The following NOTCH1 variants were observed in gnomAD, a reference collection of about 807,000 sequenced individuals.
NOTCH1 encodes the protein notch receptor 1, also known as neurogenic locus notch homolog protein 1.
A neutral mutation model predicts 254.8 loss-of-function variants in NOTCH1; 37 were observed. That is an observed-to-expected ratio of 0.15 (90% CI 0.11 to 0.19). NOTCH1 has a LOEUF of 0.19. Among genes scored for constraint, NOTCH1 ranks in the 10% least tolerant of loss-of-function variants. NOTCH1 has a pLI of 1.00. For missense variants in NOTCH1, 2,972 were observed against 3,708.6 expected (o/e 0.80, Z 5.16); for synonymous variants, 1,731 against 1,618.1 (o/e 1.07, Z -1.68).
intron 2 of NOTCH1, among the ~76,000 whole-genome samples, chr9:136,526,304 C>T (rs945408632): frequency 1.3e-5 from 2 of 152,220 alleles, no homozygotes; most frequent in African/African-American, 2.4e-5. Context: ...CATTGTCAGG[C>T]GGGAGTTGGC....
chr9:136,507,880 C>T, intron 21 of NOTCH1, 75 bp downstream of exon 21: 1 of 1,504,942 alleles, frequency 6.6e-7, no homozygotes, highest in Non-Finnish European at 9.2e-7. Context: ...CTCCACTGGG[C>T]CAGCTCCCAG....
chr9:136,506,804 G>A lies in NOTCH1; in HGVS notation c.3813C>T (p.Cys1271=), dbSNP rs1471864651. 6 of 1,611,942 alleles carry A rather than the reference G, an allele frequency of 3.7e-6. No homozygotes were observed. In the Middle Eastern group the frequency reaches 4.9e-4, roughly 133 times the overall value. The change falls in exon 23 of 34, where the codon TGC becomes TGT. Residue 1271 remains cysteine (C), a synonymous_variant. Transcript: ENST00000651671. This position sits in a 1 kb window ranked among gnomAD's most constrained non-coding sequence, Gnocchi z 4.5. The stretch of plus-strand genomic sequence containing the variant: ...CACGGGCGTCGCAGGGATTGGACAG[G>A]CACTCGTTGACATCCCCCTCACAGC... ...GERCEGDVNE[C]LSNPCDARGT...
chr9:136,521,570 G>A lies in NOTCH1; in HGVS notation c.742+1280C>T, dbSNP rs529266276. Among the ~76,000 whole-genome samples, 19 of 152,304 alleles carry A rather than the reference G, an allele frequency of 1.2e-4. No individual in the cohort carries two copies. In the South Asian group the frequency reaches 3.5e-3, roughly 28 times the overall value. On this transcript the variant is annotated intron_variant, in intron 4 of 33. Transcript: ENST00000651671. ...TGAACCACGGCCCCCCAAGAGCTTG[G>A]CCCCTCAATCCGTGTGACTGGAGGT...
In NOTCH1 at chr9:136,515,522, C is replaced by T. The variant is rs367873715; in HGVS notation, c.1864G>A (p.Asp622Asn). ...AGGCAGAAGCAGAGGTAGGCGTTGT[C>T]GCGGTCCTGGCAGGTGCCCCCGTGG... ...CRHGGTCQDR[D>N]NAYLCFCLKG... Residue 622 changes from aspartate to asparagine, a missense_variant, in exon 11 of 34, where the codon GAC becomes AAC. By Grantham distance (23) the Asp-to-Asn change is conservative. This residue lies in a region of NOTCH1 where 1,343 missense variants were observed against 1,557.0 expected (regional missense o/e 0.86). Coordinates refer to ENST00000651671, the MANE Select transcript of NOTCH1 (RefSeq NM_017617.5). 2.2e-5 allele frequency: 35 copies of T among 1,611,928 alleles called. No individual in the cohort carries two copies. In the South Asian group the frequency reaches 2.2e-4, roughly 10 times the overall value.
rs558146111 is a variant in NOTCH1 at position 136,545,074 on chromosome 9, C to T, written c.61+652G>A. On this transcript the variant is annotated intron_variant, in intron 1 of 33. Coordinates refer to ENST00000651671, the MANE Select transcript of NOTCH1 (RefSeq NM_017617.5). This position sits in a 1 kb window ranked among gnomAD's most constrained non-coding sequence, Gnocchi z 6.8. Reference sequence around the variant, plus strand: ...CCCCACCCGCGTCCCGCTCTCCGCCCCCAAGCTTTCCAAACTTCAACTCCG... The same window carrying T: ...CCCCACCCGCGTCCCGCTCTCCGCCTCCAAGCTTTCCAAACTTCAACTCCG... Among the ~76,000 whole-genome samples, 58 of 152,170 alleles carry T rather than the reference C, an allele frequency of 3.8e-4. No homozygotes were observed. The highest frequency in any genetic ancestry group is 7.2e-4 in the Non-Finnish European group (49 of 68,016).
intron 27 of NOTCH1, 100 bp downstream of exon 27, chr9:136,503,082 C>T (rs753241907): frequency 1.3e-6 from 2 of 1,546,382 alleles, no homozygotes; most frequent in African/African-American, 1.4e-5. Flanking sequence ...ACGCTCACAC[C>T]CGTGGGTAGC....
At chr9:136,508,743 CT>C in intron 19 of NOTCH1, 126 bp downstream of exon 19, 1 of 925,772 alleles carries the variant, frequency 1.1e-6, no homozygotes, top group Admixed American at 2.7e-5. Flanking sequence ...CAGAAACCCT[CT>C]GCCCGGGGGT....
chr9:136,504,558 C>A, intron 26 of NOTCH1, 115 bp downstream of exon 26: 12 of 1,160,010 alleles, frequency 1.0e-5, no homozygotes, highest in Non-Finnish European at 1.4e-5. Context: ...TCTCTTTTAC[C>A]ATAAAGTGGG....
In NOTCH1 at chr9:136,511,199, G is replaced by C. The variant is rs751138076; in HGVS notation, c.2540C>G (p.Ser847Cys). 6.2e-7 allele frequency: 1 copy of C among 1,612,800 alleles called. No individual in the cohort carries two copies. The highest frequency in any genetic ancestry group is 8.5e-7 in the Non-Finnish European group (1 of 1,180,002). ...PCRNGGECRQ[S>C]EDYESFSCVC... ...ACAGGAGAAGCTCTCATAGTCCTCG[G>C]ATTGCCTGCACTCCCCGCCGTTTCT... The change falls in exon 16 of 34, where the codon TCC becomes TGC. Residue 847 changes from serine to cysteine, a missense_variant. This residue lies in a region of NOTCH1 where 1,343 missense variants were observed against 1,557.0 expected (regional missense o/e 0.86). Coordinates refer to ENST00000651671, the MANE Select transcript of NOTCH1 (RefSeq NM_017617.5).
rs1843805249 is a variant in NOTCH1, at chr9:136,545,690, C to G, written c.61+36G>C. 3 of 1,413,276 alleles carry G rather than the reference C, an allele frequency of 2.1e-6. No homozygotes were observed. The highest frequency in any genetic ancestry group is 1.5e-5 in the African/African-American group (1 of 65,962). The allele number at this position is 1,413,276 out of a possible 1,614,324, so 87.5% of individuals were successfully genotyped here. A position where few individuals can be genotyped will look rare whatever the true frequency, so the allele number is the denominator to read the frequency against. On this transcript the variant is annotated intron_variant, in intron 1 of 33. Coordinates refer to ENST00000651671, the MANE Select transcript of NOTCH1 (RefSeq NM_017617.5). The surrounding 1 kb of genome is among the most constrained non-coding windows in gnomAD (Gnocchi z 6.8). The stretch of plus-strand genomic sequence containing the variant: ...GCGCCGCCAAAGTTTCCAAAGGGCG[C>G]GGAAAGTGGGGGCTCGCGGGTGGGT...
rs2133358026 is a variant in NOTCH1, at chr9:136,513,056, G to A, written c.2432C>T (p.Ala811Val). 1 of 1,581,862 alleles carries A rather than the reference G, an allele frequency of 6.3e-7. No homozygotes were observed. Among genetic ancestry groups the A allele is most frequent in the Non-Finnish European group, 8.6e-7 (1 of 1,161,600 alleles). Residue 811 changes from alanine (A) to valine (V), a missense_variant, in exon 15 of 34, where the codon GCC becomes GTC. Transcript: ENST00000651671. The surrounding 1 kb of genome is among the most constrained non-coding windows in gnomAD (Gnocchi z 4.7). ...CAGCAGGCAGTTGCACTTGTACCCGGCAACGTCGTCAATACACGTGCCCTG... is the reference window on the plus strand; with the variant it reads ...CAGCAGGCAGTTGCACTTGTACCCGACAACGTCGTCAATACACGTGCCCTG... ...LNQGTCIDDVAGYKCNCLLPY... is the reference protein window; with the variant it reads ...LNQGTCIDDVVGYKCNCLLPY...
At chr9:136,511,798 C>T (rs1248337780) in intron 15 of NOTCH1, among the ~76,000 whole-genome samples, 1 of 152,228 alleles carries the variant, frequency 6.6e-6, no homozygotes, top group Admixed American at 6.5e-5. Context: ...CAGGCCCAGG[C>T]CCCCAGCACA....
intron 2 of NOTCH1, among the ~76,000 whole-genome samples, chr9:136,526,042 G>A (rs1463787063): frequency 1.3e-5 from 2 of 152,238 alleles, no homozygotes; most frequent in Non-Finnish European, 1.5e-5. Context: ...CCCAGTGAGC[G>A]ACGGGCACAG....
Position 136,497,245 on chromosome 9 carries a change from C to T in NOTCH1, c.6494G>A (p.Gly2165Asp), listed in dbSNP as rs764255955. ...GKKVRKPSSK[G>D]LACGSKEAKD... ...GGCCTCCTTGCTTCCACAGGCCAGG[C>T]CTTTGCTGCTGGGCTTGCGGACCTT... Residue 2165 changes from glycine to aspartate, a missense_variant, in exon 34 of 34, where the codon GGC (glycine) becomes GAC (aspartate). By Grantham distance (94) the Gly-to-Asp change is moderately conservative. Around this residue, in one of 8 missense-constraint regions of NOTCH1, gnomAD observed 529 missense variants for 529.2 expected, o/e 1.00. Coordinates refer to ENST00000651671, the MANE Select transcript of NOTCH1 (RefSeq NM_017617.5). 1.9e-6 allele frequency: 3 copies of T among 1,612,308 alleles called. No individual in the cohort carries two copies. Among genetic ancestry groups the T allele is most frequent in the South Asian group, 1.1e-5 (1 of 91,088 alleles).
At position 136,496,446 on chromosome 9, in the gene NOTCH1, C is replaced by T; in HGVS notation, c.7293G>A (p.Arg2431=). 6.2e-7 allele frequency: 1 copy of T among 1,600,176 alleles called. No individual in the cohort carries two copies. The highest frequency in any genetic ancestry group is 8.5e-7 in the Non-Finnish European group (1 of 1,179,840). The change falls in exon 34 of 34, where the codon CGG becomes CGA. Residue 2431 remains arginine, a synonymous_variant. Coordinates refer to ENST00000651671, the MANE Select transcript of NOTCH1 (RefSeq NM_017617.5). Reference sequence around the variant, plus strand: ...GGCTCGGCTCTCCACTCAGGAAGCTCCGGCCCAGGTGGCCGCTGGCTGCTG... The same window carrying T: ...GGCTCGGCTCTCCACTCAGGAAGCTTCGGCCCAGGTGGCCGCTGGCTGCTG... The part of the protein sequence containing the change: ...VSSAASGHLG[R]SFLSGEPSQA...
chr9:136,503,342 A>T lies in NOTCH1; in HGVS notation c.5019-12T>A. ...GGTAGACGATGGAGCTGGGCGGACA[A>T]TCAGAGAGGGGCTGGGACCCGAGGC... On this transcript the variant is annotated splice_polypyrimidine_tract_variant and intron_variant, in intron 26 of 33. Transcript: ENST00000651671. 6.2e-7 allele frequency: 1 copy of T among 1,611,402 alleles called. No individual in the cohort carries two copies. The highest frequency in any genetic ancestry group is 8.5e-7 in the Non-Finnish European group (1 of 1,179,796).
At chr9:136,508,198 CT>C in intron 20 of NOTCH1, 33 bp downstream of exon 20, 1 of 1,609,272 alleles carries the variant, frequency 6.2e-7, no homozygotes, top group Non-Finnish European at 8.5e-7. Context: ...CCTTGATGGG[CT>C]GGGACCCGAG....
Position 136,495,644 on chromosome 9 carries a change from C to G in NOTCH1, c.*427G>C, listed in dbSNP as rs924751380. The G allele has an allele frequency of 6.7e-5, 27 of 403,856 alleles. No individual in the cohort carries two copies. The highest frequency in any genetic ancestry group is 1.0e-4 in the Non-Finnish European group (23 of 229,312). 25.0% of individuals were successfully genotyped at this position (403,856 alleles called of 1,614,324 possible). A position where few individuals can be genotyped will look rare whatever the true frequency, so the allele number is the denominator to read the frequency against. Reference sequence around the variant, plus strand: ...GGGCGCGGCCTGGACGCCCCAGGAGCTTTTTGGACTATGCTCGTTCAACTT... The same window carrying G: ...GGGCGCGGCCTGGACGCCCCAGGAGGTTTTTGGACTATGCTCGTTCAACTT... On this transcript the variant is annotated 3_prime_UTR_variant, in exon 34 of 34. Coordinates refer to ENST00000651671, the MANE Select transcript of NOTCH1 (RefSeq NM_017617.5).
At position 136,509,776 on chromosome 9, in the gene NOTCH1, T is replaced by C. The variant is rs2133350485; in HGVS notation, c.2926A>G (p.Ser976Gly). 1.2e-6 allele frequency: 2 copies of C among 1,613,104 alleles called. No individual in the cohort carries two copies. Among genetic ancestry groups the C allele is most frequent in the Non-Finnish European group, 1.7e-6 (2 of 1,180,006 alleles). ...GTGTTGTTCTCACAGTGGATCCCGC[T>C]GAAGCCTGCGGGGCAGGTGCACGTG... ...SYTCTCPAGF[S>G]GIHCENNTPD... is the part of the protein sequence containing the mutation. Residue 976 changes from serine to glycine, a missense_variant, in exon 18 of 34, where the codon AGC (serine) becomes GGC (glycine). Ser to Gly is a moderately conservative substitution (Grantham distance 56). Around this residue, in one of 8 missense-constraint regions of NOTCH1, gnomAD observed 1,343 missense variants for 1,557.0 expected, o/e 0.86. Coordinates refer to ENST00000651671, the MANE Select transcript of NOTCH1 (RefSeq NM_017617.5).
Sources: gnomAD v4.1 joint callset for allele counts (sites outside exome capture counted in the v4.1 genomes callset) on GRCh38, gnomAD v4.1.1 for gene constraint, gnomAD v4.1.1 regional missense constraint, Gnocchi (gnomAD v3.1) non-coding constraint, MANE v1.5 for transcripts, NCBI Gene and HGNC (gene_info 2026-07-23, HGNC 2026-07-21) for gene names.